Variants in ITPR2 observed in about 807,000 individuals in gnomAD.
The protein encoded by ITPR2 is inositol 1,4,5-trisphosphate-gated calcium channel ITPR2.
Under a neutral mutation model 317.1 loss-of-function variants are expected in ITPR2, and 207 were observed. The observed-to-expected ratio is 0.65, with a 90% CI of 0.58 to 0.73. The LOEUF (loss-of-function observed/expected upper bound fraction) is 0.73. Ranked by LOEUF, ITPR2 falls within the 30% of genes least tolerant of loss-of-function variation. The pLI is 0.00. For synonymous variants in ITPR2, 1,156 were observed against 1,149.1 expected, an observed-to-expected ratio of 1.01 and a Z score of -0.12; for missense variants, 2,613 against 3,284.0, an observed-to-expected ratio of 0.80 and a Z score of 4.99.
chr12:26,531,915 G>A (rs1367038236), intron 37 of ITPR2, among the ~76,000 whole-genome samples: 2 of 152,118 alleles, frequency 1.3e-5, no homozygotes, highest in Non-Finnish European at 2.9e-5. Context: ...TGGCATAAGA[G>A]AACTGGTTAA....
At chr12:26,630,509 C>T (rs889639180) in intron 22 of ITPR2, 1 of 151,812 alleles carries the variant, frequency 6.6e-6, no homozygotes, top group Non-Finnish European at 1.5e-5. Flanking sequence ...ACCTTGAAGT[C>T]CTTGTAGCAC....
intron 45 of ITPR2, among the ~76,000 whole-genome samples, chr12:26,443,950 GC>G (rs1380874460): frequency 3.9e-5 from 6 of 152,112 alleles, no homozygotes; most frequent in Non-Finnish European, 8.8e-5. Context: ...TAAACTACAT[GC>G]AAATAAAAAC....
intron 45 of ITPR2, among the ~76,000 whole-genome samples, chr12:26,467,460 T>A (rs1210207444): frequency 6.6e-6 from 1 of 152,144 alleles, no homozygotes; most frequent in African/African-American, 2.4e-5. Context: ...GTCTGAAATA[T>A]ACTAGGAAGT....
chr12:26,653,946 T>C (rs752592673), intron 21 of ITPR2, 30 bp downstream of exon 21: 4 of 1,568,480 alleles, frequency 2.6e-6, no homozygotes, highest in Non-Finnish European at 3.5e-6. Flanking sequence ...GTAATAACAA[T>C]GATATTATCA....
chr12:26,420,531 T>G (rs1194905261), intron 49 of ITPR2, among the ~76,000 whole-genome samples: 2 of 152,152 alleles, frequency 1.3e-5, no homozygotes, highest in Admixed American at 1.3e-4. Flanking sequence ...CTATTACATG[T>G]TTTGAAGAGC....
At chr12:26,656,636 C>T in intron 18 of ITPR2, 88 bp from the exon 19 acceptor site, 1 of 1,337,212 alleles carries the variant, frequency 7.5e-7, no homozygotes, top group Non-Finnish European at 1.0e-6. Flanking sequence ...ATGTTTAAGA[C>T]ACCTGTATTT....
At chr12:26,398,057 G>GGTGTGT (rs35660888) in intron 54 of ITPR2, among the ~76,000 whole-genome samples, 1,630 of 135,036 alleles carry the variant, frequency 0.012, 21 homozygotes, top group Middle Eastern at 0.029. Context: ...GGAGGGGAGT[G>GGTGTGT]GTGTGTGTGT....
chr12:26,811,368 T>C lies in ITPR2; in HGVS notation c.93-21141A>G, dbSNP rs367928699. ...GCTCATGCCTGTAATCCCAGCACTT[T>C]GGGAGGCTGAGGCAGGCGGATCACG... On this transcript the variant is annotated intron_variant, in intron 1 of 56. Transcript: ENST00000381340. Among the ~76,000 whole-genome samples, 17 of 152,294 alleles carry C rather than the reference T, an allele frequency of 1.1e-4. No individual in the cohort carries two copies. In the East Asian group the frequency reaches 1.2e-3, roughly 10 times the overall value.
intron 21 of ITPR2, among the ~76,000 whole-genome samples, chr12:26,646,909 C>T (rs1947126140): frequency 6.6e-6 from 1 of 152,064 alleles, no homozygotes; most frequent in African/African-American, 2.4e-5. Context: ...TATGGAAACT[C>T]CCAAGAATTT....
rs1370870631 is a variant in ITPR2, at chr12:26,802,325, A to G, written c.93-12098T>C. On this transcript the variant is annotated intron_variant, in intron 1 of 56. Coordinates refer to ENST00000381340, the MANE Select transcript of ITPR2 (RefSeq NM_002223.4). ...AAAAAAAAAATAAAAATAATTTTTAAAAAAGAAAAGTATAGTAGCAGTGAT... is the reference window on the plus strand; with the variant it reads ...AAAAAAAAAATAAAAATAATTTTTAGAAAAGAAAAGTATAGTAGCAGTGAT... 2.0e-5 allele frequency among the ~76,000 whole-genome samples: 3 copies of G among 152,100 alleles called. 1 individual carries two copies. The highest frequency in any genetic ancestry group is 6.5e-5 in the Admixed American group (1 of 15,274).
At chr12:26,671,609 A>T (rs992846644) in intron 13 of ITPR2, among the ~76,000 whole-genome samples, 14 of 152,238 alleles carry the variant, frequency 9.2e-5, no homozygotes, top group Non-Finnish European at 1.3e-4. Flanking sequence ...CAAAATGTAA[A>T]GACCATCGAG....
intron 41 of ITPR2, among the ~76,000 whole-genome samples, chr12:26,485,405 C>T (rs78401942): frequency 0.014 from 2,086 of 152,298 alleles, 23 homozygotes; most frequent in Middle Eastern, 0.024. Flanking sequence ...CTATTTCCTA[C>T]ACTGCCAGAC....
chr12:26,589,025 C>A (rs1489936575), intron 32 of ITPR2, among the ~76,000 whole-genome samples: 1 of 152,160 alleles, frequency 6.6e-6, no homozygotes, highest in African/African-American at 2.4e-5. Context: ...CAACAACAAT[C>A]AGTTATAAAG....
intron 1 of ITPR2, among the ~76,000 whole-genome samples, chr12:26,832,483 G>A (rs1175677837): frequency 1.3e-5 from 2 of 152,276 alleles, no homozygotes; most frequent in East Asian, 3.8e-4. Flanking sequence ...AGATTACGAA[G>A]TTGCTGAGAA....
At chr12:26,791,754 C>T (rs1950345363) in intron 1 of ITPR2, among the ~76,000 whole-genome samples, 1 of 152,120 alleles carries the variant, frequency 6.6e-6, no homozygotes, top group African/African-American at 2.4e-5. Flanking sequence ...CCCAAACTTC[C>T]ACAATGTCCA....
intron 32 of ITPR2, among the ~76,000 whole-genome samples, chr12:26,587,559 C>A (rs981259085): frequency 1.3e-5 from 2 of 152,180 alleles, no homozygotes; most frequent in East Asian, 3.9e-4. Flanking sequence ...CAGTATGGAA[C>A]AGATAGCTAG....
At chr12:26,367,423 T>C (rs1939046105) in intron 55 of ITPR2, among the ~76,000 whole-genome samples, 1 of 152,154 alleles carries the variant, frequency 6.6e-6, no homozygotes, top group Non-Finnish European at 1.5e-5. Flanking sequence ...ATTTTTTTCT[T>C]TATTAAAGAT....
intron 2 of ITPR2, among the ~76,000 whole-genome samples, chr12:26,782,025 T>G (rs1285355240): frequency 0.025 from 677 of 27,274 alleles, 16 homozygotes; most frequent in East Asian, 0.075. Flanking sequence ...TATATATATA[T>G]ATATATATGT....
At chr12:26,356,764 C>G (rs536627639) in intron 55 of ITPR2, among the ~76,000 whole-genome samples, 31 of 152,202 alleles carry the variant, frequency 2.0e-4, no homozygotes, top group Non-Finnish European at 3.7e-4. Flanking sequence ...CCAGGCTGGT[C>G]TCCAACTCCT....
Sources: gnomAD v4.1 joint callset for allele counts (sites outside exome capture counted in the v4.1 genomes callset) on GRCh38, gnomAD v4.1.1 for gene constraint, MANE v1.5 for transcripts, NCBI Gene and HGNC (gene_info 2026-07-23, HGNC 2026-07-21) for gene names.